CALN1: variants seen among roughly 807,000 people sequenced by gnomAD.
CALN1 encodes the protein calneuron 1.
In CALN1, 17 loss-of-function variants were observed where a neutral mutation model predicts 30.6. That is an observed-to-expected ratio of 0.56 (90% confidence interval 0.38 to 0.83). The LOEUF (loss-of-function observed/expected upper bound fraction) is 0.83. Ranked by LOEUF, CALN1 falls within the 40% of genes least tolerant of loss-of-function variation. CALN1 has a pLI of 0.00. For missense variants in CALN1, 291 were observed against 354.9 expected, an observed-to-expected ratio of 0.82 and a Z score of 1.45; for synonymous variants, 156 against 131.4, an observed-to-expected ratio of 1.19 and a Z score of -1.28.
At position 72,194,808 on chromosome 7, in the gene CALN1, T is replaced by A. The variant is rs1790876358; in HGVS notation, c.244+83878A>T. On this transcript the variant is annotated intron_variant, in intron 3 of 6. Coordinates refer to ENST00000395275, the MANE Select transcript of CALN1 (RefSeq NM_031468.4). The stretch of plus-strand genomic sequence containing the variant: ...GGTTTCACCATGTTGGCCAGGATGG[T>A]CTCAATCTCTTGACCTCATGATCCA... 2.0e-5 allele frequency among the ~76,000 whole-genome samples: 3 copies of A among 151,888 alleles called. No individual in the cohort carries two copies. In the South Asian group the frequency reaches 6.2e-4, roughly 32 times the overall value.
chr7:72,204,386 G>GA (rs200655519), intron 3 of CALN1, among the ~76,000 whole-genome samples: 2 of 151,094 alleles, frequency 1.3e-5, no homozygotes, highest in Admixed American at 6.6e-5. Context: ...ATTTCCATGT[G>GA]AAAAAAAATC....
At chr7:72,146,907 C>T (rs924362285) in intron 3 of CALN1, among the ~76,000 whole-genome samples, 1 of 152,170 alleles carries the variant, frequency 6.6e-6, no homozygotes, top group Non-Finnish European at 1.5e-5. Context: ...GGAAAACTGG[C>T]TAGCCATATG....
At chr7:72,436,432 A>T (rs1196347699) in intron 1 of CALN1, among the ~76,000 whole-genome samples, 1 of 152,156 alleles carries the variant, frequency 6.6e-6, no homozygotes, top group Non-Finnish European at 1.5e-5. Flanking sequence ...AGCCACGTGG[A>T]ACTGTGAGTC....
intron 5 of CALN1, among the ~76,000 whole-genome samples, chr7:72,019,992 C>T (rs569522745): frequency 6.6e-6 from 1 of 152,316 alleles, no homozygotes; most frequent in East Asian, 1.9e-4. Context: ...TCAAGGATAT[C>T]AGTACCTCCT....
At chr7:72,489,796 G>A in the CALN1 span, among the ~76,000 whole-genome samples, 6 of 152,150 alleles carry the variant, frequency 3.9e-5, no homozygotes, top group East Asian at 1.9e-4. Flanking sequence ...TTGTTGCACC[G>A]TCTTCCTCAT....
intron 2 of CALN1, among the ~76,000 whole-genome samples, chr7:72,307,937 G>A (rs1276598476): frequency 6.6e-6 from 1 of 152,066 alleles, no homozygotes; most frequent in African/African-American, 2.4e-5. Flanking sequence ...AAGAGGGTGA[G>A]TTCACCAGAA....
At chr7:72,115,047 T>C (rs2129541795) in intron 3 of CALN1, among the ~76,000 whole-genome samples, 1 of 150,586 alleles carries the variant, frequency 6.6e-6, no homozygotes, top group African/African-American at 2.4e-5. Context: ...TGGGACATTA[T>C]GGACATTACA....
chr7:72,293,933 C>T (rs1798666311), intron 2 of CALN1, among the ~76,000 whole-genome samples: 1 of 151,784 alleles, frequency 6.6e-6, no homozygotes, highest in Non-Finnish European at 1.5e-5. Flanking sequence ...CCCGCCTCTC[C>T]TTAAAAATAC....
intron 3 of CALN1, among the ~76,000 whole-genome samples, chr7:72,229,077 T>C (rs934230632): frequency 1.3e-5 from 2 of 151,640 alleles, no homozygotes; most frequent in African/African-American, 4.8e-5. Flanking sequence ...TTTTTAATTA[T>C]TATTATTTGT....
intron 3 of CALN1, among the ~76,000 whole-genome samples, chr7:72,201,435 G>T (rs1440095894): frequency 6.6e-6 from 1 of 151,760 alleles, no homozygotes; most frequent in Non-Finnish European, 1.5e-5. Flanking sequence ...TTTAAAATAT[G>T]CAAAACTTAG....
At chr7:72,221,809 A>C (rs1193350520) in intron 3 of CALN1, among the ~76,000 whole-genome samples, 1 of 151,996 alleles carries the variant, frequency 6.6e-6, no homozygotes, top group Non-Finnish European at 1.5e-5. Context: ...GAATTGCTTA[A>C]ACCCGGGAGG....
chr7:72,383,994 G>A (rs1398655656), intron 2 of CALN1, among the ~76,000 whole-genome samples: 1 of 152,166 alleles, frequency 6.6e-6, no homozygotes, highest in African/African-American at 2.4e-5. Flanking sequence ...AAAGACACGT[G>A]CACCCATATG....
rs1173895655 is a variant in CALN1 at position 72,391,406 on chromosome 7, A to G, written c.119+11845T>C. ...CCCTAGAATCCTACTTTTCCATTTC[A>G]CCCAGCAAGACACCAGAAGATCCCA... On this transcript the variant is annotated intron_variant, in intron 2 of 6. Transcript: ENST00000395275. Among the ~76,000 whole-genome samples the G allele has an allele frequency of 3.9e-5, 6 of 152,148 alleles. No homozygotes were observed. The South Asian group carries it at 1.2e-3, about 32-fold the overall frequency.
chr7:72,043,347 C>T (rs1802250534), intron 4 of CALN1, among the ~76,000 whole-genome samples: 1 of 152,070 alleles, frequency 6.6e-6, no homozygotes, highest in Admixed American at 6.6e-5. Flanking sequence ...AGCCCATTTC[C>T]CAGGGGAGCA....
upstream of CALN1, among the ~76,000 whole-genome samples, chr7:72,416,589 G>C (rs940143514): frequency 6.6e-6 from 1 of 152,014 alleles, no homozygotes; most frequent in Non-Finnish European, 1.5e-5. Flanking sequence ...TCAAAACTTA[G>C]CTGAGCATGG....
chr7:72,022,026 C>T lies in CALN1; in HGVS notation c.501+1631G>A, dbSNP rs373887180. On this transcript the variant is annotated intron_variant, in intron 5 of 6. Transcript: ENST00000395275. ...GGGTTTTGAGGTCTTGCCCTTCAAA[C>T]GGTATCTTAGTCATGGTCAATGACT... Among the ~76,000 whole-genome samples, 34 of 152,310 alleles carry T rather than the reference C, an allele frequency of 2.2e-4. 1 individual carries two copies. The South Asian group carries it at 6.6e-3, about 30-fold the overall frequency.
chr7:72,442,578 G>T (rs1808383795), intron 1 of CALN1, among the ~76,000 whole-genome samples: 1 of 151,972 alleles, frequency 6.6e-6, no homozygotes, highest in South Asian at 2.1e-4. Context: ...GCTTATTTAG[G>T]ATTGGACTTT....
chr7:72,001,277 A>G (rs1799515808), intron 5 of CALN1, among the ~76,000 whole-genome samples: 2 of 151,970 alleles, frequency 1.3e-5, no homozygotes, highest in African/African-American at 4.8e-5. Flanking sequence ...CAGGTAGAAA[A>G]ACCTGAAACT....
chr7:72,131,589 C>T (rs372271611), intron 3 of CALN1, among the ~76,000 whole-genome samples: 1 of 152,142 alleles, frequency 6.6e-6, no homozygotes, highest in African/African-American at 2.4e-5. Flanking sequence ...TTCAAGAAAC[C>T]CAACACATGG....
Sources: allele counts gnomAD v4.1 joint callset (sites outside exome capture counted in the v4.1 genomes callset), GRCh38; gene constraint gnomAD v4.1.1; transcripts MANE v1.5; gene names NCBI Gene and HGNC (gene_info 2026-07-23, HGNC 2026-07-21).